PDGFC: variants seen among roughly 807,000 people sequenced by gnomAD.
PDGFC encodes platelet derived growth factor C.
Under a neutral mutation model 35.5 loss-of-function variants are expected in PDGFC, and 12 were observed. That is an observed-to-expected ratio of 0.34 (90% CI 0.22 to 0.55). The LOEUF (loss-of-function observed/expected upper bound fraction) is 0.55. Ranked by LOEUF, PDGFC falls within the 20% of genes least tolerant of loss-of-function variation. PDGFC has a pLI of 0.91. For missense variants in PDGFC, 322 were observed against 412.4 expected, an observed-to-expected ratio of 0.78 and a Z score of 1.90; for synonymous variants, 159 against 148.8, an observed-to-expected ratio of 1.07 and a Z score of -0.50.
At chr4:156,815,501 C>T (rs1344985788) in intron 2 of PDGFC, among the ~76,000 whole-genome samples, 3 of 152,076 alleles carry the variant, frequency 2.0e-5, no homozygotes, top group African/African-American at 7.2e-5. Flanking sequence ...TGACACAACA[C>T]CATTTGCAGA....
At chr4:156,876,188 C>G (rs1560852862) in intron 1 of PDGFC, among the ~76,000 whole-genome samples, 1 of 152,166 alleles carries the variant, frequency 6.6e-6, no homozygotes, top group East Asian at 1.9e-4. Context: ...GGAAAAGTAT[C>G]TGTTTCTAGT....
At chr4:156,792,078 C>T (rs188295754) in intron 3 of PDGFC, among the ~76,000 whole-genome samples, 1 of 152,198 alleles carries the variant, frequency 6.6e-6, no homozygotes, top group East Asian at 1.9e-4. Context: ...TCTGTCAATC[C>T]CAAGGTCCAA....
At chr4:156,798,606 CA>C (rs1299819881) in intron 3 of PDGFC, among the ~76,000 whole-genome samples, 1 of 151,894 alleles carries the variant, frequency 6.6e-6, no homozygotes, top group Non-Finnish European at 1.5e-5. Flanking sequence ...CATCATATTC[CA>C]AAAAGAAAGG....
intron 3 of PDGFC, among the ~76,000 whole-genome samples, chr4:156,793,218 C>T (rs139381156): frequency 1.0e-3 from 158 of 151,944 alleles, no homozygotes; most frequent in African/African-American, 3.6e-3. Flanking sequence ...TTTCTAAAGT[C>T]CATTTTAGAT....
chr4:156,860,303 C>T (rs1183406533), intron 1 of PDGFC, among the ~76,000 whole-genome samples: 2 of 152,224 alleles, frequency 1.3e-5, no homozygotes, highest in Admixed American at 1.3e-4. Context: ...TCTGAGTGTC[C>T]TCCTTTATGG....
chr4:156,863,238 T>C (rs1455891074), intron 1 of PDGFC, among the ~76,000 whole-genome samples: 1 of 152,172 alleles, frequency 6.6e-6, no homozygotes, highest in Non-Finnish European at 1.5e-5. Flanking sequence ...ACATAAACTG[T>C]GAATATCCCC....
chr4:156,769,074 C>A (rs1730621273), intron 4 of PDGFC, among the ~76,000 whole-genome samples: 1 of 151,570 alleles, frequency 6.6e-6, no homozygotes, highest in Non-Finnish European at 1.5e-5. Flanking sequence ...TTTCAGATAA[C>A]ATATATGCCT....
At chr4:156,788,929 A>C (rs1731203208) in intron 3 of PDGFC, among the ~76,000 whole-genome samples, 1 of 152,194 alleles carries the variant, frequency 6.6e-6, no homozygotes. Context: ...CTGTGGTTTC[A>C]GCTTGTGCTA....
At chr4:156,830,269 T>G (rs138569322) in intron 2 of PDGFC, among the ~76,000 whole-genome samples, 2,446 of 151,036 alleles carry the variant, frequency 0.016, 54 homozygotes, top group African/African-American at 0.055. Context: ...AAAAACTTCA[T>G]GTCCTCAGAC....
intron 1 of PDGFC, among the ~76,000 whole-genome samples, chr4:156,912,427 T>C (rs1731059546): frequency 6.6e-6 from 1 of 152,108 alleles, no homozygotes; most frequent in South Asian, 2.1e-4. Context: ...GTGGAAGTGG[T>C]CAGGGTTCTC....
At chr4:156,802,039 T>C (rs1731625804) in intron 3 of PDGFC, among the ~76,000 whole-genome samples, 1 of 152,198 alleles carries the variant, frequency 6.6e-6, no homozygotes, top group Admixed American at 6.6e-5. Flanking sequence ...TGCCCCTTTT[T>C]TCTTGCAACA....
At chr4:156,763,280 G>T in intron 5 of PDGFC, 74 bp from the exon 6 acceptor site, 5 of 652,064 alleles carry the variant, frequency 7.7e-6, no homozygotes, top group African/African-American at 1.9e-5. Flanking sequence ...AACAAGTAAC[G>T]TTTTAGAAAA....
In PDGFC at chr4:156,971,403, C is replaced by G. The variant is rs1211405828; in HGVS notation, c.-500G>C. 13 of 392,186 alleles carry G rather than the reference C, an allele frequency of 3.3e-5. 1 individual carries two copies. The highest frequency in any genetic ancestry group is 4.5e-5 in the Admixed American group (1 of 22,440). 24.3% of individuals were successfully genotyped at this position (392,186 alleles called of 1,614,324 possible). ...GATGCGGCTCTCCGGGCGCCCCTCTCCCCCGCCCCACCCCCCACCCCCGAA... is the reference window on the plus strand; with the variant it reads ...GATGCGGCTCTCCGGGCGCCCCTCTGCCCCGCCCCACCCCCCACCCCCGAA... On this transcript the variant is annotated 5_prime_UTR_variant, in exon 1 of 6. Transcript: ENST00000502773.
chr4:156,967,468 C>T (rs575246039), intron 1 of PDGFC: 2 of 152,006 alleles, frequency 1.3e-5, no homozygotes, highest in African/African-American at 2.4e-5. Context: ...CCAACCGTAG[C>T]GAAGAGCGGC....
chr4:156,961,310 A>G (rs1732337795), intron 1 of PDGFC, among the ~76,000 whole-genome samples: 1 of 152,130 alleles, frequency 6.6e-6, no homozygotes, highest in Admixed American at 6.6e-5. Context: ...GCCAGAAACA[A>G]CAGGAGATAA....
chr4:156,791,658 A>G (rs1472967170), intron 3 of PDGFC, among the ~76,000 whole-genome samples: 2 of 152,224 alleles, frequency 1.3e-5, no homozygotes, highest in African/African-American at 4.8e-5. Context: ...TAGATTTTAC[A>G]TATTTAAATT....
intron 2 of PDGFC, among the ~76,000 whole-genome samples, chr4:156,825,575 T>TAAGAAG (rs1193107464): frequency 9.3e-4 from 89 of 95,558 alleles, no homozygotes; most frequent in Middle Eastern, 4.6e-3. Context: ...ATAATAATAA[T>TAAGAAG]AATAATAATA....
rs1008953317 is a variant in PDGFC, at chr4:156,873,665, G to A, written c.119-23249C>T. Among the ~76,000 whole-genome samples the A allele has an allele frequency of 3.3e-5, 5 of 152,120 alleles. No individual in the cohort carries two copies. The South Asian group carries it at 1.0e-3, about 31-fold the overall frequency. ...GGTTTGGTAAAAGTTGTGACACTAT[G>A]TAATGCAATTTCTTAAATGTAATAT... is the stretch of plus-strand genomic sequence containing the variant. On this transcript the variant is annotated intron_variant, in intron 1 of 5. Transcript: ENST00000502773.
intron 1 of PDGFC, among the ~76,000 whole-genome samples, chr4:156,864,620 G>A (rs1729791200): frequency 6.6e-6 from 1 of 152,106 alleles, no homozygotes; most frequent in Non-Finnish European, 1.5e-5. Flanking sequence ...TGTGCTGGAT[G>A]TGGGGTTTGA....
Sources: gnomAD v4.1 joint callset for allele counts (sites outside exome capture counted in the v4.1 genomes callset) on GRCh38, gnomAD v4.1.1 for gene constraint, MANE v1.5 for transcripts, NCBI Gene and HGNC (gene_info 2026-07-23, HGNC 2026-07-21) for gene names.